Variants in STIMATE observed in about 807,000 individuals in gnomAD.
STIMATE encodes the protein store-operated calcium entry regulator STIMATE.
A neutral mutation model predicts 36.7 loss-of-function variants in STIMATE; 15 were observed. The observed-to-expected ratio is 0.41, with a 90% CI of 0.27 to 0.63. The LOEUF (loss-of-function observed/expected upper bound fraction) is 0.63, where lower values mean the gene tolerates loss of function less well. Among genes scored for constraint, STIMATE ranks in the 20% least tolerant of loss-of-function variants. The pLI is 0.32. For synonymous variants in STIMATE, 163 were observed against 162.3 expected, an observed-to-expected ratio of 1.00 and a Z score of -0.03; for missense variants, 305 against 397.3, an observed-to-expected ratio of 0.77 and a Z score of 1.98.
At chr3:52,875,606 T>C (rs1005678427) in intron 1 of STIMATE, among the ~76,000 whole-genome samples, 7 of 152,166 alleles carry the variant, frequency 4.6e-5, no homozygotes, top group African/African-American at 1.7e-4. Flanking sequence ...AGGGGTACTT[T>C]TGATGTTGTT....
chr3:52,886,072 C>T (rs1277795657), intron 1 of STIMATE, among the ~76,000 whole-genome samples: 4 of 151,952 alleles, frequency 2.6e-5, no homozygotes, highest in African/African-American at 9.7e-5. Context: ...AGGACAAGGC[C>T]CATGGACTCC....
intron 3 of STIMATE, among the ~76,000 whole-genome samples, chr3:52,850,569 T>C (rs1463093651): frequency 6.6e-6 from 1 of 152,144 alleles, no homozygotes; most frequent in African/African-American, 2.4e-5. Context: ...AGGCAATGAT[T>C]CTGCTCACTC....
intron 1 of STIMATE, among the ~76,000 whole-genome samples, chr3:52,880,372 C>G (rs1701582731): frequency 6.6e-6 from 1 of 152,182 alleles, no homozygotes; most frequent in African/African-American, 2.4e-5. Flanking sequence ...AAAACACTGT[C>G]AAGAGTGGAC....
rs913652976 is a variant in STIMATE at position 52,897,360 on chromosome 3, C to G, written c.91G>C (p.Ala31Pro). Reference sequence around the variant, plus strand: ...AAGATGCCGAAGCTGTGCATGAGCGCGCCGCTCTCGCAGCGGCCCGCCCCG... The same window carrying G: ...AAGATGCCGAAGCTGTGCATGAGCGGGCCGCTCTCGCAGCGGCCCGCCCCG... ...ASGAGRCESG[A>P]LMHSFGIFLQ... Residue 31 changes from alanine to proline, a missense_variant, in exon 1 of 8, where the codon GCG (alanine) becomes CCG (proline). Ala to Pro is a conservative substitution (Grantham distance 27). This residue lies in a region of STIMATE where 57 missense variants were observed against 57.1 expected (regional missense o/e 1.00). Transcript: ENST00000355083. 8 of 1,522,368 alleles carry G rather than the reference C, an allele frequency of 5.3e-6. No individual in the cohort carries two copies. Among genetic ancestry groups the G allele is most frequent in the Non-Finnish European group, 7.0e-6 (8 of 1,142,038 alleles). 94.3% of individuals were successfully genotyped at this position (1,522,368 alleles called of 1,614,324 possible). A position where few individuals can be genotyped will look rare whatever the true frequency, so the allele number is the denominator to read the frequency against.
At chr3:52,852,395 A>T (rs2246888) in intron 3 of STIMATE, among the ~76,000 whole-genome samples, 3 of 151,886 alleles carry the variant, frequency 2.0e-5, no homozygotes, top group Non-Finnish European at 4.4e-5. Context: ...GAAAGTGTCA[A>T]CACGCAAAGC....
Position 52,836,980 on chromosome 3 carries a change from A to G in STIMATE, c.*3514T>C. On this transcript the variant is annotated 3_prime_UTR_variant, in exon 8 of 8. Coordinates refer to ENST00000355083, the MANE Select transcript of STIMATE (RefSeq NM_198563.5). ...AACCCAACCAACCAACCACCAACCA[A>G]CCCAGGAGCTCAAGGTGCTTGTGGC... 1 of 182,534 alleles carries G rather than the reference A, an allele frequency of 5.5e-6. No homozygotes were observed. The highest frequency in any genetic ancestry group is 1.1e-4 in the South Asian group (1 of 9,250). 11.3% of individuals were successfully genotyped at this position (182,534 alleles called of 1,614,324 possible).
chr3:52,893,108 T>C (rs1241901015), intron 1 of STIMATE, among the ~76,000 whole-genome samples: 2 of 151,932 alleles, frequency 1.3e-5, no homozygotes, highest in African/African-American at 4.8e-5. Flanking sequence ...CGAAAGTGAC[T>C]GAAAACGTAA....
At chr3:52,878,976 C>T (rs1701558378) in intron 1 of STIMATE, among the ~76,000 whole-genome samples, 1 of 152,168 alleles carries the variant, frequency 6.6e-6, no homozygotes, top group Non-Finnish European at 1.5e-5. Flanking sequence ...GAGGGTGTTA[C>T]ACCTTTACTC....
intron 1 of STIMATE, among the ~76,000 whole-genome samples, chr3:52,865,259 C>T (rs1474117621): frequency 6.6e-6 from 1 of 152,182 alleles, no homozygotes; most frequent in Admixed American, 6.5e-5. Flanking sequence ...TTCAACAAGT[C>T]TCTAGAGAGT....
intron 1 of STIMATE, among the ~76,000 whole-genome samples, chr3:52,892,577 G>A (rs898075270): frequency 6.6e-6 from 1 of 152,204 alleles, no homozygotes; most frequent in African/African-American, 2.4e-5. Context: ...GCCTTCACTC[G>A]TGAGCTCCAG....
At chr3:52,843,836 C>T in intron 5 of STIMATE, 38 bp from the exon 6 acceptor site, 2 of 1,611,942 alleles carry the variant, frequency 1.2e-6, no homozygotes, top group Non-Finnish European at 1.7e-6. Flanking sequence ...TAGGGAGAGG[C>T]CACCGAGAGT....
intron 1 of STIMATE, among the ~76,000 whole-genome samples, chr3:52,870,917 G>C (rs761597038): frequency 8.2e-4 from 124 of 152,090 alleles, no homozygotes; most frequent in Admixed American, 8.1e-3. Flanking sequence ...AAGGCGGGTG[G>C]TGCCTGAGGA....
intron 1 of STIMATE, 111 bp downstream of exon 1, chr3:52,897,180 G>A: frequency 2.2e-6 from 3 of 1,377,010 alleles, no homozygotes; most frequent in Non-Finnish European, 2.9e-6. Context: ...TGCGGGGGAG[G>A]AGCAATTCGG....
At chr3:52,855,512 C>G (rs1701077437) in intron 1 of STIMATE, 68 bp from the exon 2 acceptor site, 1 of 1,607,126 alleles carries the variant, frequency 6.2e-7, no homozygotes, top group Non-Finnish European at 8.5e-7. Context: ...ACATAACAAG[C>G]TGGGTTATCA....
intron 1 of STIMATE, among the ~76,000 whole-genome samples, chr3:52,888,335 C>G (rs1356678860): frequency 6.6e-6 from 1 of 152,098 alleles, no homozygotes; most frequent in African/African-American, 2.4e-5. Context: ...AGCAAGCCTC[C>G]CCGACATAGT....
intron 1 of STIMATE, among the ~76,000 whole-genome samples, chr3:52,871,959 C>G (rs1196603367): frequency 1.3e-5 from 2 of 152,132 alleles, no homozygotes; most frequent in Non-Finnish European, 2.9e-5. Flanking sequence ...GCGGCACCCA[C>G]AAGTTCCACC....
At chr3:52,892,033 T>G (rs1701791873) in intron 1 of STIMATE, among the ~76,000 whole-genome samples, 1 of 152,216 alleles carries the variant, frequency 6.6e-6, no homozygotes, top group African/African-American at 2.4e-5. Context: ...GAAGCAGACA[T>G]GGATGCTGGG....
chr3:52,869,668 T>C (rs1430136966), intron 1 of STIMATE, among the ~76,000 whole-genome samples: 1 of 152,208 alleles, frequency 6.6e-6, no homozygotes, highest in Non-Finnish European at 1.5e-5. Flanking sequence ...CCTTATCTTA[T>C]TCATATTTAT....
intron 1 of STIMATE, among the ~76,000 whole-genome samples, chr3:52,859,483 A>G (rs1403989709): frequency 1.1e-4 from 15 of 133,026 alleles, no homozygotes; most frequent in African/African-American, 3.6e-4. Context: ...CCTGAGCAAC[A>G]AAGCAAGACC....
Sources: allele counts gnomAD v4.1 joint callset (sites outside exome capture counted in the v4.1 genomes callset), GRCh38; gene constraint gnomAD v4.1.1; regional missense constraint gnomAD v4.1.1; transcripts MANE v1.5; gene names NCBI Gene and HGNC (gene_info 2026-07-23, HGNC 2026-07-21).